GOLGA4: variants seen among roughly 807,000 people sequenced by gnomAD.
GOLGA4 encodes golgin subfamily A member 4.
GOLGA4 carries 169 observed loss-of-function variants against 265.9 expected under a neutral mutation model. That is an observed-to-expected ratio of 0.64 (90% confidence interval 0.56 to 0.72). The LOEUF (loss-of-function observed/expected upper bound fraction) is 0.72. Among genes scored for constraint, GOLGA4 ranks in the 30% least tolerant of loss-of-function variants. The pLI is 0.00. For synonymous variants in GOLGA4, 923 were observed against 855.8 expected, an observed-to-expected ratio of 1.08 and a Z score of -1.37; for missense variants, 2,482 against 2,483.4, an observed-to-expected ratio of 1.00 and a Z score of 0.01.
chr3:37,290,454 A>T (rs1283484960), intron 5 of GOLGA4, among the ~76,000 whole-genome samples: 1 of 152,180 alleles, frequency 6.6e-6, no homozygotes, highest in Non-Finnish European at 1.5e-5. Context: ...TTGTGGTATG[A>T]AAGAAAGATT....
intron 6 of GOLGA4, among the ~76,000 whole-genome samples, chr3:37,295,588 A>C (rs1209731743): frequency 6.6e-6 from 1 of 152,248 alleles, no homozygotes; most frequent in Non-Finnish European, 1.5e-5. Context: ...AATAATAGCA[A>C]ATATAAAAAC....
intron 10 of GOLGA4, among the ~76,000 whole-genome samples, chr3:37,307,348 A>G (rs1427007112): frequency 2.0e-5 from 3 of 152,210 alleles, no homozygotes; most frequent in African/African-American, 4.8e-5. Context: ...AAAATAGTTT[A>G]TCTGTTTAAA....
rs1265396791 is a variant in GOLGA4, at chr3:37,282,248, T to A, written c.453T>A (p.Ser151Arg). 1.9e-6 allele frequency: 3 copies of A among 1,613,868 alleles called. No individual in the cohort carries two copies. Among genetic ancestry groups the A allele is most frequent in the Non-Finnish European group, 2.5e-6 (3 of 1,179,860 alleles). ...TGCGAAGAATGGAACGAAGCTTAAG[T>A]AGCTACAGGGGAAAATATTCTGAGG... ...QRLRRMERSLSSYRGKYSELV... is the reference protein window; with the variant it reads ...QRLRRMERSLRSYRGKYSELV... Residue 151 changes from serine (S) to arginine (R), a missense_variant, in exon 3 of 24, where the codon AGT becomes AGA. Ser to Arg is a moderately radical substitution (Grantham distance 110). Transcript: ENST00000361924.
Position 37,321,680 on chromosome 3 carries a change from A to G in GOLGA4, c.1546-51A>G, listed in dbSNP as rs377558620. 2.5e-4 allele frequency: 374 copies of G among 1,513,878 alleles called. 2 individuals carry two copies. The African/African-American group carries it at 4.8e-3, about 19-fold the overall frequency. The allele number at this position is 1,513,878 out of a possible 1,614,324, so 93.8% of individuals were successfully genotyped here. ...TGATTCCTGGGGAAGTACTTTGCGA[A>G]TGCTGAAGATTTATGTGCGTTTAAG... On this transcript the variant is annotated intron_variant, in intron 12 of 23. Transcript: ENST00000361924.
At chr3:37,312,354 G>A (rs563880590) in intron 10 of GOLGA4, among the ~76,000 whole-genome samples, 2 of 152,006 alleles carry the variant, frequency 1.3e-5, no homozygotes, top group African/African-American at 4.8e-5. Context: ...CTAATTTCTT[G>A]TTAGTAGTAA....
chr3:37,276,408 A>C, intron 2 of GOLGA4: 1 of 1,608,582 alleles, frequency 6.2e-7, no homozygotes, highest in Non-Finnish European at 8.5e-7. Flanking sequence ...ATGTGGAAAA[A>C]CTTGACCAAA....
chr3:37,273,818 C>T (rs2096805542), intron 2 of GOLGA4, among the ~76,000 whole-genome samples: 1 of 152,132 alleles, frequency 6.6e-6, no homozygotes, highest in Non-Finnish European at 1.5e-5. Context: ...TAATGCAAGG[C>T]CAGGCACTGT....
intron 22 of GOLGA4, among the ~76,000 whole-genome samples, chr3:37,360,255 A>AT (rs1488736955): frequency 6.6e-6 from 1 of 152,134 alleles, no homozygotes; most frequent in African/African-American, 2.4e-5. Flanking sequence ...TGATTGTATG[A>AT]TTATATGGAT....
intron 13 of GOLGA4, 25 bp downstream of exon 13, chr3:37,321,911 C>G (rs777161497): frequency 6.4e-7 from 1 of 1,561,762 alleles, no homozygotes. Flanking sequence ...TATTCAGATT[C>G]TGGAGTTGTG....
At chr3:37,363,170 T>A (rs1696467943) in intron 23 of GOLGA4, among the ~76,000 whole-genome samples, 2 of 152,168 alleles carry the variant, frequency 1.3e-5, no homozygotes, top group African/African-American at 4.8e-5. Flanking sequence ...GCCTTAGCGA[T>A]TATCCAGAAC....
At chr3:37,296,719 C>T (rs1578560840) in intron 7 of GOLGA4, among the ~76,000 whole-genome samples, 1 of 152,028 alleles carries the variant, frequency 6.6e-6, no homozygotes, top group Admixed American at 6.5e-5. Flanking sequence ...TACAGGCACA[C>T]ACCACCATGC....
At chr3:37,298,076 T>C (rs530704020) in intron 7 of GOLGA4, among the ~76,000 whole-genome samples, 167 of 152,022 alleles carry the variant, frequency 1.1e-3, no homozygotes, top group African/African-American at 3.8e-3. Context: ...AGACTGTTCC[T>C]GGAAGTGTCC....
rs771419933 is a variant in GOLGA4 at position 37,326,639 on chromosome 3, GA to G, written c.4759del (p.Ile1587SerfsTer2). ...EKDNRVKEAE[E>X]KILTLENQVY... ...GGACAACAGGGTTAAAGAAGCTGAA[GA>G]AAAAATCTTAACACTTGAAAACCAA... On this transcript the variant is annotated frameshift_variant, in exon 14 of 24. Transcript: ENST00000361924. LOFTEE classifies it high-confidence loss of function. 6.2e-7 allele frequency: 1 copy of G among 1,611,250 alleles called. No individual in the cohort carries two copies. The highest frequency in any genetic ancestry group is 8.5e-7 in the Non-Finnish European group (1 of 1,179,090).
At chr3:37,341,893 T>C (rs1236261385) in intron 20 of GOLGA4, 2 of 152,254 alleles carry the variant, frequency 1.3e-5, no homozygotes, top group African/African-American at 4.8e-5. Context: ...TACTAAGCGC[T>C]AAACACTTAC....
chr3:37,326,890 A>C lies in GOLGA4; in HGVS notation c.5004A>C (p.Lys1668Asn), dbSNP rs768156814. ...AAGAGAAAGAAGAACAGTATAAAAA[A>C]GGTACAGAAAGCCATTTGAGTGAGC... ...QMEEKEEQYK[K>N]GTESHLSELN... The change falls in exon 14 of 24, where the codon AAA becomes AAC. Residue 1668 changes from lysine (K) to asparagine (N), a missense_variant. Physicochemically the swap from Lys to Asn is moderately conservative, Grantham distance 94. Around this residue, in one of 3 missense-constraint regions of GOLGA4, gnomAD observed 942 missense variants for 983.1 expected, o/e 0.96. Transcript: ENST00000361924. The C allele has an allele frequency of 2.5e-6, 4 of 1,613,642 alleles. No individual in the cohort carries two copies. The Admixed American group carries it at 6.7e-5, about 27-fold the overall frequency.
At chr3:37,248,270 C>G (rs1211629792) in intron 1 of GOLGA4, among the ~76,000 whole-genome samples, 1 of 152,160 alleles carries the variant, frequency 6.6e-6, no homozygotes, top group African/African-American at 2.4e-5. Flanking sequence ...CCACTGTGCA[C>G]AGCTAAAATG....
intron 12 of GOLGA4, 83 bp downstream of exon 12, chr3:37,319,277 T>C (rs889946719): frequency 4.3e-6 from 5 of 1,149,846 alleles, no homozygotes; most frequent in Non-Finnish European, 1.2e-6. Context: ...TGCATTCCAG[T>C]TGGAAGTCAG....
intron 2 of GOLGA4, among the ~76,000 whole-genome samples, chr3:37,279,076 T>C (rs763153911): frequency 6.6e-6 from 1 of 152,186 alleles, no homozygotes; most frequent in Non-Finnish European, 1.5e-5. Context: ...ATGCTTACTA[T>C]GTTTGAGCAT....
chr3:37,321,495 G>A (rs2096954622), intron 12 of GOLGA4: 3 of 402,096 alleles, frequency 7.5e-6, no homozygotes, highest in Non-Finnish European at 1.3e-5. Context: ...AGCAGACATA[G>A]TGGGGTTATT....
Sources: gnomAD v4.1 joint callset for allele counts (sites outside exome capture counted in the v4.1 genomes callset) on GRCh38, gnomAD v4.1.1 for gene constraint, gnomAD v4.1.1 regional missense constraint, MANE v1.5 for transcripts, NCBI Gene and HGNC (gene_info 2026-07-23, HGNC 2026-07-21) for gene names.